FTO: variants seen among roughly 807,000 people sequenced by gnomAD.
The protein encoded by FTO is alpha-ketoglutarate-dependent dioxygenase FTO.
Under a neutral mutation model 63.9 loss-of-function variants are expected in FTO, and 47 were observed. The ratio of observed to expected loss-of-function variants is 0.74; its 90% CI spans 0.58 to 0.94. The LOEUF (loss-of-function observed/expected upper bound fraction) is 0.94. Among genes scored for constraint, FTO ranks in the 40% least tolerant of loss-of-function variants. The pLI is 0.00. For missense variants in FTO, 562 were observed against 618.1 expected, an observed-to-expected ratio of 0.91 and a Z score of 0.96; for synonymous variants, 207 against 224.4, an observed-to-expected ratio of 0.92 and a Z score of 0.69.
intron 1 of FTO, among the ~76,000 whole-genome samples, chr16:53,759,791 C>T (rs182442848): frequency 4.6e-5 from 7 of 151,874 alleles, no homozygotes; most frequent in East Asian, 1.9e-4. Context: ...GCCCAGTGAC[C>T]GCCCAGCACA....
In FTO at chr16:53,854,631, A is replaced by G. The variant is rs183678071; in HGVS notation, c.895+10333A>G. Reference sequence around the variant, plus strand: ...ATTTATGGCTTCTCCATTTTGTTCCATCAGTCTGTGTATCTACTTTTATAC... The same window carrying G: ...ATTTATGGCTTCTCCATTTTGTTCCGTCAGTCTGTGTATCTACTTTTATAC... On this transcript the variant is annotated intron_variant, in intron 4 of 8. Transcript: ENST00000471389. 6.9e-4 allele frequency among the ~76,000 whole-genome samples: 105 copies of G among 152,220 alleles called. 1 individual carries two copies. The highest frequency in any genetic ancestry group is 2.4e-3 in the African/African-American group (99 of 41,546).
At chr16:54,064,926 G>A (rs2085684130) in intron 8 of FTO, among the ~76,000 whole-genome samples, 1 of 151,978 alleles carries the variant, frequency 6.6e-6, no homozygotes. Flanking sequence ...GGGCCTTGGT[G>A]AGGAAATGTA....
chr16:53,915,040 G>A (rs1259283179), intron 7 of FTO, among the ~76,000 whole-genome samples: 1 of 152,162 alleles, frequency 6.6e-6, no homozygotes, highest in African/African-American at 2.4e-5. Flanking sequence ...GAGCCACAAA[G>A]AGAGCATATT....
chr16:53,919,084 T>A (rs1390885796), intron 7 of FTO, among the ~76,000 whole-genome samples: 2 of 152,184 alleles, frequency 1.3e-5, no homozygotes, highest in Non-Finnish European at 2.9e-5. Context: ...GCGCCTGATG[T>A]CTGGGTTAGA....
At chr16:53,706,926 T>C (rs2075637263) in intron 1 of FTO, among the ~76,000 whole-genome samples, 1 of 152,242 alleles carries the variant, frequency 6.6e-6, no homozygotes, top group African/African-American at 2.4e-5. Flanking sequence ...AAAGCTGCTA[T>C]GACCATTCAC....
At chr16:54,059,903 G>T (rs74019721) in intron 8 of FTO, among the ~76,000 whole-genome samples, 6 of 151,222 alleles carry the variant, frequency 4.0e-5, no homozygotes, top group African/African-American at 1.2e-4. Flanking sequence ...GTTTTTTTTT[G>T]TTTTTTGTTT....
intron 7 of FTO, among the ~76,000 whole-genome samples, chr16:53,901,560 A>C (rs1167137756): frequency 2.6e-5 from 4 of 152,160 alleles, no homozygotes; most frequent in Admixed American, 2.6e-4. Flanking sequence ...TTTCCCACAC[A>C]TACCTCTCCA....
intron 8 of FTO, among the ~76,000 whole-genome samples, chr16:54,074,911 A>AGTGTGT (rs1374323251): frequency 4.1e-4 from 47 of 115,856 alleles, no homozygotes; most frequent in South Asian, 6.2e-4. Context: ...AGAGAGAGAG[A>AGTGTGT]GAGAGAGTGT....
chr16:53,738,364 ACTC>A (rs2076440455), intron 1 of FTO, among the ~76,000 whole-genome samples: 1 of 149,930 alleles, frequency 6.7e-6, no homozygotes, highest in Admixed American at 6.6e-5. Flanking sequence ...CTGTTCTTGA[ACTC>A]CTGGTGTCAG....
At chr16:53,766,571 A>T (rs1305117547) in intron 1 of FTO, among the ~76,000 whole-genome samples, 1 of 152,110 alleles carries the variant, frequency 6.6e-6, no homozygotes, top group Admixed American at 6.6e-5. Context: ...CTGAGGACGA[A>T]GCAGGTCTGG....
intron 8 of FTO, among the ~76,000 whole-genome samples, chr16:53,946,494 T>A (rs1364814668): frequency 1.3e-5 from 2 of 152,256 alleles, no homozygotes; most frequent in Non-Finnish European, 2.9e-5. Context: ...CATATTAAGT[T>A]GTTTTGCTTC....
intron 3 of FTO, among the ~76,000 whole-genome samples, chr16:53,836,547 C>T (rs17818800): frequency 0.015 from 2,320 of 152,308 alleles, 30 homozygotes; most frequent in Middle Eastern, 0.027. Flanking sequence ...TATTCAGTTA[C>T]ATTGTGGCCA....
intron 6 of FTO, among the ~76,000 whole-genome samples, chr16:53,886,547 A>G (rs911381291): frequency 2.0e-5 from 3 of 152,240 alleles, no homozygotes; most frequent in African/African-American, 7.2e-5. Flanking sequence ...TCAAGGTTAC[A>G]TCTGTTAACC....
intron 1 of FTO, among the ~76,000 whole-genome samples, chr16:53,724,323 A>G (rs1046499065): frequency 7.9e-5 from 12 of 152,224 alleles, no homozygotes; most frequent in African/African-American, 2.9e-4. Flanking sequence ...CACTTAAGGA[A>G]GAGTGGATGA....
intron 8 of FTO, among the ~76,000 whole-genome samples, chr16:53,977,300 A>G (rs565622992): frequency 3.8e-4 from 58 of 152,202 alleles, no homozygotes; most frequent in Middle Eastern, 3.4e-3. Flanking sequence ...ATTGGATCTT[A>G]TATTGTTGAA....
intron 8 of FTO, among the ~76,000 whole-genome samples, chr16:53,951,244 A>G (rs947426733): frequency 2.0e-5 from 3 of 152,150 alleles, no homozygotes; most frequent in Non-Finnish European, 2.9e-5. Context: ...CTACCCCCCA[A>G]CACAATGCTC....
chr16:53,999,362 C>T (rs150019373), intron 8 of FTO, among the ~76,000 whole-genome samples: 261 of 152,246 alleles, frequency 1.7e-3, no homozygotes, highest in African/African-American at 5.9e-3. Flanking sequence ...AGCAGAGGAA[C>T]GGGGAAGACT....
At position 54,080,553 on chromosome 16, in the gene FTO, C is replaced by T. The variant is rs965741828; in HGVS notation, c.1365-31209C>T. Among the ~76,000 whole-genome samples the T allele has an allele frequency of 3.9e-5, 6 of 152,202 alleles. No homozygotes were observed. In the South Asian group the frequency reaches 8.3e-4, roughly 21 times the overall value. ...CTCTCTTGAACTGAGCCTAAATTGC[C>T]GATGGTGAGGGGACTCTGTTAGCTA... On this transcript the variant is annotated intron_variant, in intron 8 of 8. Coordinates refer to ENST00000471389, the MANE Select transcript of FTO (RefSeq NM_001080432.3).
At position 53,755,700 on chromosome 16, in the gene FTO, C is replaced by T. The variant is rs148407646; in HGVS notation, c.45+51471C>T. 3.9e-5 allele frequency among the ~76,000 whole-genome samples: 6 copies of T among 152,266 alleles called. No homozygotes were observed. In the East Asian group the frequency reaches 7.7e-4, roughly 20 times the overall value. On this transcript the variant is annotated intron_variant, in intron 1 of 8. Transcript: ENST00000471389. ...TGCATTTCCCCAGCCTCCCCTGCAA[C>T]GGGGTGTGGCCATGTGACTGAGAGA...
Sources: gnomAD v4.1 joint callset for allele counts (sites outside exome capture counted in the v4.1 genomes callset) on GRCh38, gnomAD v4.1.1 for gene constraint, MANE v1.5 for transcripts, NCBI Gene and HGNC (gene_info 2026-07-23, HGNC 2026-07-21) for gene names.